The following TRIM9 variants were observed in gnomAD, a reference collection of about 807,000 sequenced individuals.
TRIM9 encodes E3 ubiquitin-protein ligase TRIM9.
Under a neutral mutation model 78.3 loss-of-function variants are expected in TRIM9, and 26 were observed. The observed-to-expected ratio is 0.33, with a 90% CI of 0.24 to 0.46. TRIM9 has a LOEUF of 0.46. Among genes scored for constraint, TRIM9 ranks in the 20% least tolerant of loss-of-function variants. The pLI, the probability that TRIM9 is intolerant of heterozygous loss-of-function variation, is 1.00. For synonymous variants in TRIM9, 398 were observed against 416.5 expected (o/e 0.96, Z 0.54); for missense variants, 787 against 1,036.4 (o/e 0.76, Z 3.30).
chr14:51,037,613 C>A (rs1458699545), intron 1 of TRIM9, among the ~76,000 whole-genome samples: 1 of 151,546 alleles, frequency 6.6e-6, no homozygotes, highest in Non-Finnish European at 1.5e-5. Flanking sequence ...TGTCTTTATT[C>A]CAGTATTAAG....
intron 1 of TRIM9, among the ~76,000 whole-genome samples, chr14:51,087,785 T>G (rs1029607875): frequency 1.3e-5 from 2 of 152,238 alleles, no homozygotes; most frequent in Non-Finnish European, 2.9e-5. Context: ...TTTCATATTG[T>G]CTTTTTCTGC....
chr14:50,993,099 G>A (rs1182737011), intron 7 of TRIM9, among the ~76,000 whole-genome samples: 1 of 152,098 alleles, frequency 6.6e-6, no homozygotes, highest in Non-Finnish European at 1.5e-5. Context: ...CTTTCATTTG[G>A]TAGTATCAGA....
At chr14:51,088,264 T>G (rs1455920856) in intron 1 of TRIM9, among the ~76,000 whole-genome samples, 1 of 152,220 alleles carries the variant, frequency 6.6e-6, no homozygotes, top group African/African-American at 2.4e-5. Flanking sequence ...CAAACTTGTG[T>G]GGCACTCTAA....
At chr14:51,001,002 C>T (rs1259044655) in intron 5 of TRIM9, among the ~76,000 whole-genome samples, 162 bp from the exon 6 acceptor site, 2 of 152,122 alleles carry the variant, frequency 1.3e-5, no homozygotes, top group Non-Finnish European at 2.9e-5. Context: ...AGGAGTCAGA[C>T]TGGCTCCTGA....
chr14:51,010,247 G>T, intron 4 of TRIM9, 137 bp downstream of exon 4: 1 of 629,804 alleles, frequency 1.6e-6, no homozygotes. Context: ...TTACTTCCAT[G>T]TACACTGCAG....
intron 3 of TRIM9, among the ~76,000 whole-genome samples, chr14:51,014,024 G>A (rs980951368): frequency 3.9e-5 from 6 of 152,086 alleles, no homozygotes; most frequent in Non-Finnish European, 5.9e-5. Flanking sequence ...CTTGACTACA[G>A]GTACTGGAAG....
intron 1 of TRIM9, among the ~76,000 whole-genome samples, chr14:51,084,372 T>C (rs2063572802): frequency 1.3e-5 from 2 of 152,214 alleles, no homozygotes; most frequent in Non-Finnish European, 2.9e-5. Flanking sequence ...TAATACTGAA[T>C]AATGTTTTAG....
chr14:51,083,735 T>A (rs1056936792), intron 1 of TRIM9, among the ~76,000 whole-genome samples: 5 of 152,230 alleles, frequency 3.3e-5, no homozygotes. Context: ...CAAGTGGAGA[T>A]GCCAGCGAGC....
At position 51,044,113 on chromosome 14, in the gene TRIM9, C is replaced by T. The variant is rs57023283; in HGVS notation, c.823-18753G>A. Among the ~76,000 whole-genome samples the T allele has an allele frequency of 8.8e-3, 1,331 of 152,020 alleles. 21 individuals are homozygous for T. The highest frequency in any genetic ancestry group is 0.031 in the African/African-American group (1,276 of 41,444). On this transcript the variant is annotated intron_variant, in intron 1 of 12. Coordinates refer to ENST00000684578, the MANE Select transcript of TRIM9 (RefSeq NM_001387360.1). ...TTTTTAAAAATTTAAAAAATTTGCA[C>T]AAGTACTAGACTGTAACATGTGATT...
chr14:51,035,875 C>T (rs73288879), intron 1 of TRIM9, among the ~76,000 whole-genome samples: 11,519 of 152,252 alleles, frequency 0.076, 637 homozygotes, highest in African/African-American at 0.16. Flanking sequence ...TGCCTAACAA[C>T]GCACATAAAA....
At chr14:51,031,175 GA>G (rs1324593686) in intron 1 of TRIM9, among the ~76,000 whole-genome samples, 4 of 133,254 alleles carry the variant, frequency 3.0e-5, no homozygotes, top group Non-Finnish European at 6.7e-5. Context: ...AGAAAGAAAA[GA>G]AAAGAAAGAA....
chr14:51,092,668 C>T (rs969077748), intron 1 of TRIM9, among the ~76,000 whole-genome samples: 5 of 152,296 alleles, frequency 3.3e-5, no homozygotes, highest in East Asian at 1.9e-4. Context: ...AAATGAAAAG[C>T]AAATTCATGC....
chr14:51,001,311 G>C lies in TRIM9; in HGVS notation c.1307-471C>G, dbSNP rs1249417639. 2.0e-5 allele frequency among the ~76,000 whole-genome samples: 3 copies of C among 149,390 alleles called. No individual in the cohort carries two copies. In the Admixed American group the frequency reaches 2.0e-4, roughly 10 times the overall value. On this transcript the variant is annotated intron_variant, in intron 5 of 12. Coordinates refer to ENST00000684578, the MANE Select transcript of TRIM9 (RefSeq NM_001387360.1). ...GCGGCACAATCTCGGCTCACTGCAA[G>C]CTCCGCCTCCCGGGTTCACACCATT...
intron 3 of TRIM9, among the ~76,000 whole-genome samples, chr14:51,022,301 A>G (rs1221930459): frequency 6.6e-6 from 1 of 152,150 alleles, no homozygotes; most frequent in Non-Finnish European, 1.5e-5. Context: ...GCTCCCAATA[A>G]AAGGTTGAAG....
Position 51,094,607 on chromosome 14 carries a change from G to C in TRIM9, c.333C>G (p.Thr111=), listed in dbSNP as rs780446806. ...CCGGGGCCAGGGCCGGTGACAAGTGGGTGGCCGGTGGCGGCATAGCCGGGG... is the reference window on the plus strand; with the variant it reads ...CCGGGGCCAGGGCCGGTGACAAGTGCGTGGCCGGTGGCGGCATAGCCGGGG... The part of the protein sequence containing the change: ...VFPPAMPPPA[T]HLSPALAPVP... Residue 111 remains threonine, a synonymous_variant, in exon 1 of 13, where the codon ACC becomes ACG. Transcript: ENST00000684578. The C allele has an allele frequency of 3.1e-6, 5 of 1,609,400 alleles. No individual in the cohort carries two copies. In the Admixed American group the frequency reaches 8.4e-5, roughly 27 times the overall value.
intron 12 of TRIM9, among the ~76,000 whole-genome samples, chr14:50,978,353 C>T (rs1596078324): frequency 6.6e-6 from 1 of 152,100 alleles, no homozygotes; most frequent in African/African-American, 2.4e-5. Context: ...GGAAGTGAAA[C>T]CCTAAGTCCT....
intron 1 of TRIM9, among the ~76,000 whole-genome samples, chr14:51,060,848 T>G (rs370953538): frequency 6.6e-6 from 1 of 152,154 alleles, no homozygotes; most frequent in East Asian, 1.9e-4. Context: ...CTGAATAGTA[T>G]TCCATTAACT....
chr14:51,049,609 T>C (rs2060230212), intron 1 of TRIM9, among the ~76,000 whole-genome samples: 2 of 151,938 alleles, frequency 1.3e-5, no homozygotes, highest in Admixed American at 1.3e-4. Context: ...GGGTGGATCA[T>C]GAGGTCAGGA....
At chr14:50,985,865 A>T in intron 8 of TRIM9, 91 bp downstream of exon 8, 1 of 1,177,644 alleles carries the variant, frequency 8.5e-7, no homozygotes, top group Non-Finnish European at 1.1e-6. Context: ...CCCCCTCACC[A>T]CGCACATGAA....
Sources: gnomAD v4.1 joint callset for allele counts (sites outside exome capture counted in the v4.1 genomes callset) on GRCh38, gnomAD v4.1.1 for gene constraint, MANE v1.5 for transcripts, NCBI Gene and HGNC (gene_info 2026-07-23, HGNC 2026-07-21) for gene names.